Variants in NEGR1 observed in about 807,000 individuals in gnomAD.
The protein encoded by NEGR1 is neuronal growth regulator 1.
A neutral mutation model predicts 40.9 loss-of-function variants in NEGR1; 10 were observed. The observed-to-expected ratio is 0.24, with a 90% CI of 0.15 to 0.42. The LOEUF is 0.42. Ranked by LOEUF, NEGR1 falls within the 10% of genes least tolerant of loss-of-function variation. The pLI, the probability that NEGR1 is intolerant of heterozygous loss-of-function variation, is 1.00. For synonymous variants in NEGR1, 185 were observed against 166.8 expected, an observed-to-expected ratio of 1.11 and a Z score of -0.84; for missense variants, 352 against 438.9, an observed-to-expected ratio of 0.80 and a Z score of 1.77.
At chr1:71,928,429 T>C (rs1231402230) in intron 2 of NEGR1, among the ~76,000 whole-genome samples, 1 of 85,392 alleles carries the variant, frequency 1.2e-5, no homozygotes, top group African/African-American at 4.6e-5. Context: ...CACACATATG[T>C]ATATATACAC....
chr1:71,809,560 T>C (rs1490203280), intron 2 of NEGR1, among the ~76,000 whole-genome samples: 1 of 152,166 alleles, frequency 6.6e-6, no homozygotes, highest in African/African-American at 2.4e-5. Flanking sequence ...AAGGACTAAT[T>C]GAACAACCAC....
At chr1:71,420,701 A>C (rs1197759142) in intron 6 of NEGR1, among the ~76,000 whole-genome samples, 1 of 152,038 alleles carries the variant, frequency 6.6e-6, no homozygotes, top group African/African-American at 2.4e-5. Flanking sequence ...AGCTAGACAG[A>C]GAATTAATGT....
At chr1:71,931,118 T>C (rs1645851855) in intron 2 of NEGR1, among the ~76,000 whole-genome samples, 2 of 152,254 alleles carry the variant, frequency 1.3e-5, no homozygotes, top group East Asian at 3.9e-4. Context: ...ACAAATACTC[T>C]AGGTGAGTTA....
At chr1:71,407,678 G>A (rs1646287229) in intron 6 of NEGR1, 108 bp from the exon 7 acceptor site, 1 of 1,014,536 alleles carries the variant, frequency 9.9e-7, no homozygotes, top group South Asian at 1.5e-5. Flanking sequence ...TGACATTGGA[G>A]TCAGACAGAC....
At chr1:72,253,216 G>T (rs1411719581) in intron 1 of NEGR1, among the ~76,000 whole-genome samples, 2 of 151,984 alleles carry the variant, frequency 1.3e-5, no homozygotes, top group African/African-American at 4.8e-5. Flanking sequence ...TCTTCCTATT[G>T]TCAACAAAGA....
At chr1:71,622,806 A>C (rs1451657208) in intron 4 of NEGR1, among the ~76,000 whole-genome samples, 6 of 151,814 alleles carry the variant, frequency 4.0e-5, no homozygotes, top group African/African-American at 1.4e-4. Context: ...TCCTCACTGG[A>C]TCATGTTTCC....
chr1:71,879,099 C>G (rs937871687), intron 2 of NEGR1, among the ~76,000 whole-genome samples: 1 of 150,452 alleles, frequency 6.6e-6, no homozygotes, highest in Non-Finnish European at 1.5e-5. Context: ...CGCCATTGCA[C>G]TCCAGCCTGG....
intron 1 of NEGR1, among the ~76,000 whole-genome samples, chr1:72,253,747 C>T (rs1319743339): frequency 6.6e-6 from 1 of 151,848 alleles, no homozygotes; most frequent in Non-Finnish European, 1.5e-5. Flanking sequence ...TAATTGAAAT[C>T]AATAAAAATA....
intron 2 of NEGR1, among the ~76,000 whole-genome samples, chr1:71,900,091 A>G (rs1384391662): frequency 4.6e-5 from 7 of 152,196 alleles, no homozygotes; most frequent in Non-Finnish European, 1.5e-5. Context: ...AAAATACAGT[A>G]TACCACTGAG....
At chr1:72,153,623 A>G (rs1651248595) in intron 1 of NEGR1, among the ~76,000 whole-genome samples, 1 of 151,898 alleles carries the variant, frequency 6.6e-6, no homozygotes, top group African/African-American at 2.4e-5. Context: ...TCTATTATCT[A>G]TCTGTCTCTC....
intron 1 of NEGR1, among the ~76,000 whole-genome samples, chr1:72,165,295 T>A (rs923419192): frequency 1.3e-5 from 2 of 152,058 alleles, no homozygotes; most frequent in Admixed American, 6.6e-5. Flanking sequence ...GAAGATACAC[T>A]GTTTAGTAAG....
intron 3 of NEGR1, among the ~76,000 whole-genome samples, chr1:71,702,073 A>G (rs1330698069): frequency 6.6e-6 from 1 of 152,136 alleles, no homozygotes; most frequent in Non-Finnish European, 1.5e-5. Flanking sequence ...AGTAACTAGT[A>G]AGAAAAACCT....
intron 1 of NEGR1, among the ~76,000 whole-genome samples, chr1:72,012,909 T>C (rs190551790): frequency 2.0e-5 from 3 of 149,212 alleles, no homozygotes; most frequent in African/African-American, 7.4e-5. Context: ...ATACTAGTTG[T>C]AGGGGCTAGA....
intron 6 of NEGR1, among the ~76,000 whole-genome samples, chr1:71,541,015 C>G (rs1647688111): frequency 6.6e-6 from 1 of 151,516 alleles, no homozygotes; most frequent in African/African-American, 2.4e-5. Context: ...AAAGACAGCA[C>G]CAAGCCATGA....
chr1:71,723,029 T>TG (rs2101655367), intron 3 of NEGR1, among the ~76,000 whole-genome samples: 1 of 123,226 alleles, frequency 8.1e-6, no homozygotes, highest in African/African-American at 2.9e-5. Context: ...AGAAAGTTTC[T>TG]GAAAAAAAAA....
chr1:71,501,012 T>C (rs1358708446), intron 6 of NEGR1, among the ~76,000 whole-genome samples: 1 of 152,106 alleles, frequency 6.6e-6, no homozygotes, highest in Non-Finnish European at 1.5e-5. Flanking sequence ...ATTTGAAACA[T>C]TGTATTGTAA....
At chr1:71,997,671 T>C (rs935165202) in intron 1 of NEGR1, among the ~76,000 whole-genome samples, 1 of 151,960 alleles carries the variant, frequency 6.6e-6, no homozygotes, top group African/African-American at 2.4e-5. Context: ...CTCCAATAAA[T>C]ATTTATTGGA....
At chr1:71,927,365 T>C (rs17091913) in intron 2 of NEGR1, among the ~76,000 whole-genome samples, 33,394 of 152,076 alleles carry the variant, frequency 0.22, 4,029 homozygotes, top group Admixed American at 0.36. Flanking sequence ...TTTGGGGAAA[T>C]AATCTTGGAT....
intron 2 of NEGR1, among the ~76,000 whole-genome samples, chr1:71,907,310 C>T (rs564345347): frequency 6.6e-6 from 1 of 152,102 alleles, no homozygotes; most frequent in East Asian, 1.9e-4. Context: ...AATATAATTG[C>T]CAAAAACACT....
Sources: gnomAD v4.1 joint callset for allele counts (sites outside exome capture counted in the v4.1 genomes callset) on GRCh38, gnomAD v4.1.1 for gene constraint, MANE v1.5 for transcripts, NCBI Gene and HGNC (gene_info 2026-07-23, HGNC 2026-07-21) for gene names.